EDC3: variants seen among roughly 807,000 people sequenced by gnomAD.
EDC3 encodes the protein enhancer of mRNA decapping 3, also known as enhancer of mRNA-decapping protein 3.
EDC3 carries 20 observed loss-of-function variants against 41.8 expected under a neutral mutation model. The observed-to-expected ratio is 0.48, with a 90% confidence interval of 0.34 to 0.70. The LOEUF (loss-of-function observed/expected upper bound fraction) is 0.70, where lower values mean the gene tolerates loss of function less well. EDC3 is among the 30% of genes least tolerant of loss of function. The probability of loss-of-function intolerance (pLI) is 0.01; values close to 1 mark genes in which losing one functional copy is unlikely to be tolerated. For synonymous variants in EDC3, 206 were observed against 243.2 expected, an observed-to-expected ratio of 0.85 and a Z score of 1.42; for missense variants, 444 against 636.8, an observed-to-expected ratio of 0.70 and a Z score of 3.26.
chr15:74,654,369 G>C (rs996375197), intron 4 of EDC3, among the ~76,000 whole-genome samples: 5 of 152,192 alleles, frequency 3.3e-5, no homozygotes. Flanking sequence ...CTAGCAGCAG[G>C]AGCAGCTTCT....
chr15:74,646,130 T>C (rs1439655829), intron 4 of EDC3, among the ~76,000 whole-genome samples: 4 of 148,222 alleles, frequency 2.7e-5, no homozygotes, highest in East Asian at 2.0e-4. Flanking sequence ...TGGAGTGCAA[T>C]GGTATGATCT....
At chr15:74,667,286 T>C (rs1216896969) in intron 3 of EDC3, among the ~76,000 whole-genome samples, 1 of 152,048 alleles carries the variant, frequency 6.6e-6, no homozygotes, top group Non-Finnish European at 1.5e-5. Context: ...AATATTTAAA[T>C]ATGTATATAT....
intron 1 of EDC3, among the ~76,000 whole-genome samples, chr15:74,689,726 G>A (rs1193609085): frequency 4.0e-5 from 6 of 151,742 alleles, no homozygotes; most frequent in Admixed American, 6.6e-5. Flanking sequence ...GGGTTTCACC[G>A]TGTTAGCCAG....
chr15:74,655,778 G>A lies in EDC3; in HGVS notation c.775C>T (p.Arg259Ter), dbSNP rs777808860. ...NILESEPIVY[R>*]RIIVPHNVSK... Reference sequence around the variant, plus strand: ...ACGTTGTGGGGCACTATGATCCGTCGATAGACAATGGGCTCGGACTCCAAG... The same window carrying A: ...ACGTTGTGGGGCACTATGATCCGTCAATAGACAATGGGCTCGGACTCCAAG... The change falls in exon 4 of 7, where the codon CGA becomes TGA. Residue 259 changes from arginine to a stop codon, truncating the protein, a stop_gained. Transcript: ENST00000315127. LOFTEE classifies it high-confidence loss of function. 3 of 1,613,916 alleles carry A rather than the reference G, an allele frequency of 1.9e-6. No homozygotes were observed. The highest frequency in any genetic ancestry group is 1.3e-5 in the African/African-American group (1 of 74,880).
chr15:74,668,887 T>A (rs2062708293), intron 3 of EDC3, among the ~76,000 whole-genome samples: 2 of 152,232 alleles, frequency 1.3e-5, no homozygotes, highest in Admixed American at 1.3e-4. Context: ...TTTCAGATAG[T>A]TGTTTCATAT....
chr15:74,686,796 T>A (rs1596334618), intron 1 of EDC3, among the ~76,000 whole-genome samples: 3 of 145,878 alleles, frequency 2.1e-5, no homozygotes, highest in Non-Finnish European at 3.0e-5. Flanking sequence ...AATACATAAA[T>A]GAAGGGAAAG....
chr15:74,669,668 CCA>C (rs2062717583), intron 3 of EDC3, among the ~76,000 whole-genome samples: 1 of 152,074 alleles, frequency 6.6e-6, no homozygotes, highest in African/African-American at 2.4e-5. Flanking sequence ...GCCACCAGGA[CCA>C]CAGTGTGAGG....
chr15:74,656,205 T>C, intron 3 of EDC3, 137 bp from the exon 4 acceptor site: 1 of 799,502 alleles, frequency 1.3e-6, no homozygotes. Context: ...CAAACTCATA[T>C]TAAGTAGCAC....
chr15:74,662,860 T>C (rs956889828), intron 3 of EDC3, among the ~76,000 whole-genome samples: 1 of 152,022 alleles, frequency 6.6e-6, no homozygotes, highest in Admixed American at 6.6e-5. Flanking sequence ...GAGGAACAGG[T>C]AGAGGCACAA....
At chr15:74,666,407 A>T (rs2062677517) in intron 3 of EDC3, among the ~76,000 whole-genome samples, 1 of 152,246 alleles carries the variant, frequency 6.6e-6, no homozygotes, top group African/African-American at 2.4e-5. Flanking sequence ...CTGACAAAAC[A>T]GCAAAAGCAG....
chr15:74,685,482 T>C (rs545893803), intron 1 of EDC3, among the ~76,000 whole-genome samples: 1 of 152,302 alleles, frequency 6.6e-6, no homozygotes, highest in South Asian at 2.1e-4. Flanking sequence ...ATAGTCTTGT[T>C]CAGTCAATAA....
chr15:74,684,010 G>A (rs1023511530), intron 1 of EDC3, among the ~76,000 whole-genome samples: 2 of 150,830 alleles, frequency 1.3e-5, no homozygotes, highest in African/African-American at 4.9e-5. Context: ...AGCTATGATT[G>A]TACCACTGCA....
Position 74,671,551 on chromosome 15 carries a change from C to T in EDC3, c.388G>A (p.Val130Ile), listed in dbSNP as rs542158660. The T allele has an allele frequency of 2.8e-5, 46 of 1,614,184 alleles. No homozygotes were observed. Among genetic ancestry groups the T allele is most frequent in the East Asian group, 4.5e-5 (2 of 44,882 alleles). Residue 130 changes from valine to isoleucine, a missense_variant, in exon 3 of 7, where the codon GTT becomes ATT. Physicochemically the swap from Val to Ile is conservative, Grantham distance 29 (BLOSUM62 3). Transcript: ENST00000315127. The surrounding 1 kb of genome is among the most constrained non-coding windows in gnomAD (Gnocchi z 4.6). ...RTDVKSQDVA[V>I]SPQQQQCSKS... is the part of the protein sequence containing the mutation. ...GAGCACTGTTGCTGCTGCGGGGAAA[C>T]GGCAACATCCTGGCTCTTCACATCT...
At chr15:74,649,158 A>G (rs1305959108) in intron 4 of EDC3, among the ~76,000 whole-genome samples, 4 of 142,470 alleles carry the variant, frequency 2.8e-5, no homozygotes, top group Non-Finnish European at 6.0e-5. Context: ...TCCGCCTCCC[A>G]GGTTCACGCC....
At chr15:74,658,685 A>G (rs2062581956) in intron 3 of EDC3, among the ~76,000 whole-genome samples, 2 of 150,658 alleles carry the variant, frequency 1.3e-5, no homozygotes, top group African/African-American at 4.9e-5. Context: ...TCATGCCTGT[A>G]ATCCCAGCAC....
chr15:74,671,856 C>A lies in EDC3; in HGVS notation c.165-82G>T. Reference sequence around the variant, plus strand: ...ACTGAGATCATTAGCAAACAGCTACCCCTTTGCAGGACTGCATTTTATTGA... The same window carrying A: ...ACTGAGATCATTAGCAAACAGCTACACCTTTGCAGGACTGCATTTTATTGA... On this transcript the variant is annotated intron_variant, in intron 2 of 6. Coordinates refer to ENST00000315127, the MANE Select transcript of EDC3 (RefSeq NM_025083.5). This position sits in a 1 kb window ranked among gnomAD's most constrained non-coding sequence, Gnocchi z 4.6. 1 of 1,390,784 alleles carries A rather than the reference C, an allele frequency of 7.2e-7. No homozygotes were observed. The highest frequency in any genetic ancestry group is 1.8e-5 in the Admixed American group (1 of 54,270). The allele number at this position is 1,390,784 out of a possible 1,614,324, so 86.2% of individuals were successfully genotyped here.
At chr15:74,634,982 T>C (rs1172109310) in intron 6 of EDC3, 3 of 434,522 alleles carry the variant, frequency 6.9e-6, no homozygotes, top group Non-Finnish European at 1.4e-5. Context: ...AATGTCCAAG[T>C]CTCCTACTCT....
In EDC3 at chr15:74,674,113, T is replaced by C. The variant is rs566082807; in HGVS notation, c.164+848A>G. 1.6e-3 allele frequency among the ~76,000 whole-genome samples: 244 copies of C among 152,260 alleles called. 2 individuals are homozygous for C. The highest frequency in any genetic ancestry group is 3.0e-3 in the Non-Finnish European group (202 of 68,018). On this transcript the variant is annotated intron_variant, in intron 2 of 6. Coordinates refer to ENST00000315127, the MANE Select transcript of EDC3 (RefSeq NM_025083.5). ...AGATAGGGAGCATTTTATTTTTATT[T>C]ATTTTTTTACAGACAGGGTCTTGCT...
chr15:74,688,305 G>T (rs2062962572), intron 1 of EDC3, among the ~76,000 whole-genome samples: 1 of 152,224 alleles, frequency 6.6e-6, no homozygotes, highest in Non-Finnish European at 1.5e-5. Flanking sequence ...AGATACAGGA[G>T]CTACAAGGAA....
Sources: gnomAD v4.1 joint callset for allele counts (sites outside exome capture counted in the v4.1 genomes callset) on GRCh38, gnomAD v4.1.1 for gene constraint, Gnocchi (gnomAD v3.1) non-coding constraint, MANE v1.5 for transcripts, NCBI Gene and HGNC (gene_info 2026-07-23, HGNC 2026-07-21) for gene names.